The following ADAMTS16 variants were observed in gnomAD, a reference collection of about 807,000 sequenced individuals.
ADAMTS16 encodes ADAM metallopeptidase with thrombospondin type 1 motif 16.
ADAMTS16 carries 94 observed loss-of-function variants against 145.8 expected under a neutral mutation model. That is an observed-to-expected ratio of 0.64 (90% CI 0.55 to 0.77). The LOEUF (loss-of-function observed/expected upper bound fraction) is 0.77. Ranked by LOEUF, ADAMTS16 falls within the 30% of genes least tolerant of loss-of-function variation. The probability of loss-of-function intolerance (pLI) is 0.00; values close to 1 mark genes in which losing one functional copy is unlikely to be tolerated. For missense variants in ADAMTS16, 1,585 were observed against 1,591.5 expected, an observed-to-expected ratio of 1.00 and a Z score of 0.07; for synonymous variants, 659 against 604.3, an observed-to-expected ratio of 1.09 and a Z score of -1.33.
intron 8 of ADAMTS16, among the ~76,000 whole-genome samples, chr5:5,197,300 A>G (rs561036246): frequency 6.6e-6 from 1 of 152,338 alleles, no homozygotes; most frequent in African/African-American, 2.4e-5. Context: ...GAATCACTCA[A>G]AAAATATTGT....
At chr5:5,219,819 T>C (rs1736540495) in intron 10 of ADAMTS16, among the ~76,000 whole-genome samples, 1 of 152,202 alleles carries the variant, frequency 6.6e-6, no homozygotes. Flanking sequence ...ATTTGAAGGC[T>C]TTATACTTTA....
chr5:5,166,068 A>T (rs77382101), intron 3 of ADAMTS16, among the ~76,000 whole-genome samples: 1 of 152,190 alleles, frequency 6.6e-6, no homozygotes, highest in East Asian at 1.9e-4. Context: ...ATTCTTTAAA[A>T]ATATGTCCTG....
intron 17 of ADAMTS16, among the ~76,000 whole-genome samples, chr5:5,250,707 C>CTGTGTGTG (rs763835441): frequency 0.027 from 4,017 of 148,614 alleles, 74 homozygotes; most frequent in Middle Eastern, 0.048. Context: ...TGTCTCTTCT[C>CTGTGTGTG]TCTGTGTGTG....
At chr5:5,237,157 A>G (rs1737133482) in intron 14 of ADAMTS16, 58 bp downstream of exon 14, 1 of 1,567,180 alleles carries the variant, frequency 6.4e-7, no homozygotes, top group Non-Finnish European at 8.7e-7. Flanking sequence ...CTTTGTGTCA[A>G]GCATCCTGTA....
chr5:5,184,643 T>G (rs1735446914), intron 4 of ADAMTS16, among the ~76,000 whole-genome samples: 1 of 152,130 alleles, frequency 6.6e-6, no homozygotes, highest in Non-Finnish European at 1.5e-5. Flanking sequence ...AGGTTGGACC[T>G]CAGGCTGATT....
At chr5:5,196,237 C>CAAAAAAA (rs10680781) in intron 8 of ADAMTS16, among the ~76,000 whole-genome samples, 1,951 of 94,942 alleles carry the variant, frequency 0.021, 86 homozygotes, top group Middle Eastern at 0.032. Flanking sequence ...GCCTCCATCT[C>CAAAAAAA]AAAAAAAAAA....
intron 10 of ADAMTS16, among the ~76,000 whole-genome samples, chr5:5,218,051 T>A (rs1736484362): frequency 6.6e-6 from 1 of 152,172 alleles, no homozygotes; most frequent in African/African-American, 2.4e-5. Context: ...TTTAATAGGA[T>A]CTTTGTTCCA....
chr5:5,239,491 CA>C (rs1410559753), intron 15 of ADAMTS16, among the ~76,000 whole-genome samples, 189 bp from the exon 16 acceptor site: 5 of 152,178 alleles, frequency 3.3e-5, no homozygotes, highest in African/African-American at 1.2e-4. Context: ...GTGACCATCA[CA>C]GGGGCTCTGC....
intron 6 of ADAMTS16, among the ~76,000 whole-genome samples, chr5:5,188,649 CAA>C (rs1385362748): frequency 6.6e-6 from 1 of 152,052 alleles, no homozygotes; most frequent in Non-Finnish European, 1.5e-5. Flanking sequence ...ATTTATAAAA[CAA>C]AGAATTTTTT....
At chr5:5,252,138 C>T (rs1054979268) in intron 17 of ADAMTS16, among the ~76,000 whole-genome samples, 1 of 152,162 alleles carries the variant, frequency 6.6e-6, no homozygotes, top group South Asian at 2.1e-4. Flanking sequence ...CGTGAGCCAC[C>T]GTGCCTGGCC....
intron 11 of ADAMTS16, among the ~76,000 whole-genome samples, chr5:5,227,157 C>T (rs1272640745): frequency 6.6e-6 from 1 of 152,256 alleles, no homozygotes; most frequent in African/African-American, 2.4e-5. Flanking sequence ...CCCCAGGTCA[C>T]GCAGCTCGCA....
intron 9 of ADAMTS16, among the ~76,000 whole-genome samples, chr5:5,206,927 G>A (rs1736142236): frequency 6.6e-6 from 1 of 152,130 alleles, no homozygotes; most frequent in Non-Finnish European, 1.5e-5. Context: ...TTTCTATACT[G>A]TTCCACTGAT....
At position 5,239,727 on chromosome 5, in the gene ADAMTS16, C is replaced by A. The variant is rs764821125; in HGVS notation, c.2325C>A (p.Arg775=). The change falls in exon 16 of 23, where the codon CGC becomes CGA. Residue 775 remains arginine, a synonymous_variant. Transcript: ENST00000274181. ...TTCCTTCTGGAGCCCGGAGTATCCG[C>A]ATCTATGAAATGAACGTCTCTACCT... ...VTIPSGARSI[R]IYEMNVSTSY... The A allele has an allele frequency of 4.8e-5, 77 of 1,614,014 alleles. No individual in the cohort carries two copies. The highest frequency in any genetic ancestry group is 6.3e-5 in the Non-Finnish European group (74 of 1,180,022).
chr5:5,279,834 T>C (rs1738829753), intron 18 of ADAMTS16, among the ~76,000 whole-genome samples: 1 of 152,028 alleles, frequency 6.6e-6, no homozygotes, highest in South Asian at 2.1e-4. Flanking sequence ...GCTCTACTTG[T>C]TTCTCTATAA....
At chr5:5,195,949 G>A (rs557045973) in intron 8 of ADAMTS16, among the ~76,000 whole-genome samples, 21 of 152,192 alleles carry the variant, frequency 1.4e-4, no homozygotes, top group Non-Finnish European at 2.6e-4. Flanking sequence ...GCATTGGGCC[G>A]TGTGTGGTGG....
intron 3 of ADAMTS16, among the ~76,000 whole-genome samples, chr5:5,149,410 T>C (rs2619787): frequency 1 from 151,763 of 152,312 alleles, 75,629 homozygotes; most frequent in Middle Eastern, 1. Flanking sequence ...GAGACAATGA[T>C]GACCATGGCA....
At chr5:5,311,345 T>C (rs926371521) in intron 21 of ADAMTS16, among the ~76,000 whole-genome samples, 11 of 151,874 alleles carry the variant, frequency 7.2e-5, no homozygotes, top group Non-Finnish European at 1.2e-4. Flanking sequence ...ATTCTTATTG[T>C]TTTATCTAAA....
intron 3 of ADAMTS16, among the ~76,000 whole-genome samples, chr5:5,156,858 C>T (rs1325833441): frequency 6.6e-6 from 1 of 152,204 alleles, no homozygotes; most frequent in Non-Finnish European, 1.5e-5. Context: ...GGAATTTACA[C>T]ACTCAGTGGA....
chr5:5,146,596 T>G lies in ADAMTS16; in HGVS notation c.501+141T>G, dbSNP rs187199876. 2.0e-5 allele frequency: 20 copies of G among 982,528 alleles called. No homozygotes were observed. The African/African-American group carries it at 2.4e-4, about 12-fold the overall frequency. 60.9% of individuals were successfully genotyped at this position (982,528 alleles called of 1,614,324 possible). The stretch of plus-strand genomic sequence containing the variant: ...ATTAAGCAGGAGGAATATTGCCAAG[T>G]AAAACTTTTCCAAAAAACATTGCGT... On this transcript the variant is annotated intron_variant, in intron 3 of 22. Coordinates refer to ENST00000274181, the MANE Select transcript of ADAMTS16 (RefSeq NM_139056.4).
Sources: allele counts gnomAD v4.1 joint callset (sites outside exome capture counted in the v4.1 genomes callset), GRCh38; gene constraint gnomAD v4.1.1; transcripts MANE v1.5; gene names NCBI Gene and HGNC (gene_info 2026-07-23, HGNC 2026-07-21).